HECTD4: variants seen among roughly 807,000 people sequenced by gnomAD.
HECTD4 encodes the protein probable E3 ubiquitin-protein ligase HECTD4.
In HECTD4, 114 loss-of-function variants were observed where a neutral mutation model predicts 471.5. That is an observed-to-expected ratio of 0.24 (90% CI 0.21 to 0.28). HECTD4 has a LOEUF of 0.28. Among genes scored for constraint, HECTD4 ranks in the 10% least tolerant of loss-of-function variants. The probability of loss-of-function intolerance (pLI) is 1.00; values close to 1 mark genes in which losing one functional copy is unlikely to be tolerated. For synonymous variants in HECTD4, 2,012 were observed against 2,256.0 expected, an observed-to-expected ratio of 0.89 and a Z score of 3.07; for missense variants, 3,866 against 5,651.5, an observed-to-expected ratio of 0.68 and a Z score of 10.13.
At chr12:112,199,219 G>A (rs2032340250) in intron 55 of HECTD4, among the ~76,000 whole-genome samples, 1 of 152,174 alleles carries the variant, frequency 6.6e-6, no homozygotes, top group South Asian at 2.1e-4. Flanking sequence ...GACCCCTGTT[G>A]AAGAAACATT....
chr12:112,305,398 G>A (rs373642014), intron 7 of HECTD4, among the ~76,000 whole-genome samples: 10 of 152,146 alleles, frequency 6.6e-5, no homozygotes, highest in African/African-American at 2.2e-4. Context: ...CACTTTGCAC[G>A]TGTGGTATCC....
Position 112,193,507 on chromosome 12 carries a change from G to C in HECTD4, c.8917C>G (p.Leu2973Val). Reference sequence around the variant, plus strand: ...CAGATCTGTTTCGTCAGCTCTAAAAGGCTCTCCTCGCCCTGGTGCAGGGTC... The same window carrying C: ...CAGATCTGTTTCGTCAGCTCTAAAACGCTCTCCTCGCCCTGGTGCAGGGTC... ...TRTLHQGEES[L>V]LELTKQICSF... is the part of the protein sequence containing the mutation. Residue 2973 changes from leucine (L) to valine (V), a missense_variant, in exon 57 of 76, where the codon CTT becomes GTT. Transcript: ENST00000682272. The surrounding 1 kb of genome is among the most constrained non-coding windows in gnomAD (Gnocchi z 5.2). 1 of 1,611,558 alleles carries C rather than the reference G, an allele frequency of 6.2e-7. No homozygotes were observed.
intron 1 of HECTD4, among the ~76,000 whole-genome samples, chr12:112,379,460 A>G (rs954262323): frequency 2.7e-4 from 41 of 152,258 alleles, no homozygotes; most frequent in African/African-American, 9.1e-4. Flanking sequence ...TTGGGAGGCC[A>G]AGGCAGGCGG....
At chr12:112,264,866 G>A (rs2034232457) in intron 16 of HECTD4, among the ~76,000 whole-genome samples, 1 of 152,168 alleles carries the variant, frequency 6.6e-6, no homozygotes, top group Non-Finnish European at 1.5e-5. Flanking sequence ...CTGGGTTCAC[G>A]TGATTCTCCT....
intron 1 of HECTD4, among the ~76,000 whole-genome samples, chr12:112,369,005 C>T (rs576301384): frequency 6.6e-6 from 1 of 152,180 alleles, no homozygotes; most frequent in East Asian, 1.9e-4. Flanking sequence ...CTTCTCTTCC[C>T]GGTATGTGCA....
chr12:112,267,075 T>C (rs1292506566), intron 13 of HECTD4, 93 bp from the exon 14 acceptor site: 12 of 762,084 alleles, frequency 1.6e-5, no homozygotes, highest in Admixed American at 5.0e-5. Flanking sequence ...AAGATGTCAA[T>C]TGGATGTGAG....
chr12:112,172,130 C>T (rs535139358), intron 67 of HECTD4, among the ~76,000 whole-genome samples: 15 of 152,158 alleles, frequency 9.9e-5, no homozygotes, highest in Non-Finnish European at 1.5e-4. Context: ...CTCAAACTCC[C>T]GACCTCAAGT....
intron 7 of HECTD4, among the ~76,000 whole-genome samples, chr12:112,285,762 C>T (rs749887971): frequency 1.3e-5 from 2 of 152,108 alleles, no homozygotes; most frequent in Non-Finnish European, 2.9e-5. Context: ...TCTAGTTCCA[C>T]TTTTCTAACT....
At chr12:112,351,514 A>C (rs1267755735) in intron 1 of HECTD4, among the ~76,000 whole-genome samples, 2 of 152,250 alleles carry the variant, frequency 1.3e-5, no homozygotes, top group Non-Finnish European at 2.9e-5. Flanking sequence ...TTTAGGAAAC[A>C]AGTCTGTTTA....
chr12:112,285,991 C>T (rs968308299), intron 7 of HECTD4, among the ~76,000 whole-genome samples: 5 of 152,004 alleles, frequency 3.3e-5, no homozygotes, highest in African/African-American at 9.7e-5. Flanking sequence ...AAAAGCATTA[C>T]CCAATCTGGC....
chr12:112,290,525 C>CAAA (rs2034854864), intron 7 of HECTD4, among the ~76,000 whole-genome samples: 1 of 151,376 alleles, frequency 6.6e-6, no homozygotes, highest in Non-Finnish European at 1.5e-5. Context: ...CACCCTGTCT[C>CAAA]AAAAAATAAT....
In HECTD4 at chr12:112,229,860, C is replaced by T. The variant is rs766454460; in HGVS notation, c.6357G>A (p.Met2119Ile). ...TAEKVLSRALMYIPQLGKYAE... is the reference protein window; with the variant it reads ...TAEKVLSRALIYIPQLGKYAE... The stretch of plus-strand genomic sequence containing the variant: ...CGTATTTCCCCAATTGTGGAATGTA[C>T]ATCAGTGCTCTAGACAGAACCTAAA... Residue 2119 changes from methionine to isoleucine, a missense_variant, in exon 41 of 76, where the codon ATG becomes ATA. Met to Ile is a conservative substitution (Grantham distance 10). Transcript: ENST00000682272. The T allele has an allele frequency of 3.1e-6, 5 of 1,613,844 alleles. No homozygotes were observed. The highest frequency in any genetic ancestry group is 2.2e-5 in the East Asian group (1 of 44,876).
intron 29 of HECTD4, among the ~76,000 whole-genome samples, chr12:112,244,221 CTT>C (rs1442587967): frequency 6.6e-6 from 1 of 151,990 alleles, no homozygotes; most frequent in Non-Finnish European, 1.5e-5. Flanking sequence ...AAATTAAAAT[CTT>C]TTTATTAAAT....
At chr12:112,164,557 C>G (rs1371994179) in intron 72 of HECTD4, among the ~76,000 whole-genome samples, 2 of 152,134 alleles carry the variant, frequency 1.3e-5, no homozygotes, top group Non-Finnish European at 2.9e-5. Flanking sequence ...GATGGGAAAC[C>G]CTTTACCACT....
At position 112,319,987 on chromosome 12, in the gene HECTD4, A is replaced by G. The variant is rs1205459677; in HGVS notation, c.178-245T>C. ...TAATTGAAAGAGCCCAAATCATAAA[A>G]GAATATAGTTAAGTGTGAAAGTCAG... On this transcript the variant is annotated intron_variant, in intron 1 of 75. Transcript: ENST00000682272. The surrounding 1 kb of genome is among the most constrained non-coding windows in gnomAD (Gnocchi z 5.3). 6.6e-6 allele frequency among the ~76,000 whole-genome samples: 1 copy of G among 152,254 alleles called. No individual in the cohort carries two copies. Among genetic ancestry groups the G allele is most frequent in the Non-Finnish European group, 1.5e-5 (1 of 68,050 alleles).
intron 66 of HECTD4, among the ~76,000 whole-genome samples, chr12:112,175,259 T>C (rs2031394236): frequency 6.6e-6 from 1 of 152,180 alleles, no homozygotes; most frequent in Non-Finnish European, 1.5e-5. Flanking sequence ...AAAGAGGTCA[T>C]CAGCGTGGGC....
Position 112,163,318 on chromosome 12 carries a change from C to A in HECTD4, c.12898-54G>T. ...GCCCTGGAGCCCCACCTACCCAGTGCCTCCCCAGCCCTGGGGTCTGCAGGC... is the reference window on the plus strand; with the variant it reads ...GCCCTGGAGCCCCACCTACCCAGTGACTCCCCAGCCCTGGGGTCTGCAGGC... On this transcript the variant is annotated intron_variant, in intron 74 of 75. Transcript: ENST00000682272. This position sits in a 1 kb window ranked among gnomAD's most constrained non-coding sequence, Gnocchi z 8.2. 1 of 1,502,384 alleles carries A rather than the reference C, an allele frequency of 6.7e-7. No individual in the cohort carries two copies. Among genetic ancestry groups the A allele is most frequent in the South Asian group, 1.2e-5 (1 of 80,266 alleles). 93.1% of individuals were successfully genotyped at this position (1,502,384 alleles called of 1,614,324 possible).
intron 60 of HECTD4, among the ~76,000 whole-genome samples, chr12:112,189,367 A>G (rs2031995231): frequency 6.6e-6 from 1 of 151,826 alleles, no homozygotes; most frequent in Non-Finnish European, 1.5e-5. Flanking sequence ...CCTGGCTAAC[A>G]TGGTGAAACC....
At chr12:112,276,514 C>T (rs978079804) in intron 9 of HECTD4, among the ~76,000 whole-genome samples, 5 of 152,282 alleles carry the variant, frequency 3.3e-5, no homozygotes, top group African/African-American at 9.6e-5. Context: ...GTGGCGCGAT[C>T]TAGGCTCACT....
Sources: allele counts gnomAD v4.1 joint callset (sites outside exome capture counted in the v4.1 genomes callset), GRCh38; gene constraint gnomAD v4.1.1; non-coding constraint Gnocchi (gnomAD v3.1); transcripts MANE v1.5; gene names NCBI Gene and HGNC (gene_info 2026-07-23, HGNC 2026-07-21).